The following MAST2 variants were observed in gnomAD, a reference collection of about 807,000 sequenced individuals.
The protein encoded by MAST2 is microtubule-associated serine/threonine-protein kinase 2.
A neutral mutation model predicts 147.4 loss-of-function variants in MAST2; 70 were observed. The observed-to-expected ratio is 0.47, with a 90% CI of 0.39 to 0.58. The LOEUF is 0.58. Among genes scored for constraint, MAST2 ranks in the 20% least tolerant of loss-of-function variants. The pLI is 0.00. For synonymous variants in MAST2, 869 were observed against 896.8 expected, an observed-to-expected ratio of 0.97 and a Z score of 0.55; for missense variants, 2,080 against 2,302.3, an observed-to-expected ratio of 0.90 and a Z score of 1.98.
chr1:45,941,810 A>G (rs993263836), intron 4 of MAST2, among the ~76,000 whole-genome samples: 1 of 152,188 alleles, frequency 6.6e-6, no homozygotes, highest in Non-Finnish European at 1.5e-5. Flanking sequence ...TCTTGTTGTC[A>G]AATATGTCTT....
At chr1:46,019,741 G>A in intron 11 of MAST2, 44 bp downstream of exon 11, 1 of 1,522,048 alleles carries the variant, frequency 6.6e-7, no homozygotes, top group Non-Finnish European at 9.1e-7. Context: ...TTTAGAGGAG[G>A]ACTATAGAGG....
Position 45,997,803 on chromosome 1 carries a change from A to G in MAST2, c.668+4A>G, listed in dbSNP as rs756921133. 6.2e-7 allele frequency: 1 copy of G among 1,613,754 alleles called. No individual in the cohort carries two copies. Among genetic ancestry groups the G allele is most frequent in the South Asian group, 1.1e-5 (1 of 91,064 alleles). ...TTTCTTTTGTTCCTGCCCGTAGGTA[A>G]GTTGATAGGAAACCTCCTCTGGGAC... On this transcript the variant is annotated splice_donor_region_variant and intron_variant, in intron 6 of 28. Transcript: ENST00000361297.
At chr1:45,848,913 C>T (rs1645530819) in intron 3 of MAST2, among the ~76,000 whole-genome samples, 1 of 152,206 alleles carries the variant, frequency 6.6e-6, no homozygotes, top group South Asian at 2.1e-4. Context: ...ATACAAAAAA[C>T]CACTAGCATT....
rs144015655 is a variant in MAST2, at chr1:45,860,553, C to T, written c.469-21811C>T. Among the ~76,000 whole-genome samples the T allele has an allele frequency of 9.5e-4, 144 of 152,142 alleles. 1 individual carries two copies. The highest frequency in any genetic ancestry group is 3.3e-3 in the African/African-American group (135 of 41,512). ...CAGTATACATCTTACTACTCTTGGCCGGGCGCAGTGGCTGATGCCTGTAAT... is the reference window on the plus strand; with the variant it reads ...CAGTATACATCTTACTACTCTTGGCTGGGCGCAGTGGCTGATGCCTGTAAT... On this transcript the variant is annotated intron_variant, in intron 3 of 28. Transcript: ENST00000361297.
chr1:45,816,015 GACAGCCTGGAACC>G (rs1374590444), intron 1 of MAST2, among the ~76,000 whole-genome samples: 1 of 152,172 alleles, frequency 6.6e-6, no homozygotes, highest in Non-Finnish European at 1.5e-5. Flanking sequence ...TTTGGTTATA[GACAGCCTGGAACC>G]ATAGCCTCCT....
rs748488281 is a variant in MAST2 at position 46,022,986 on chromosome 1, C to CT, written c.1485+16dup. On this transcript the variant is annotated intron_variant, in intron 13 of 28. Transcript: ENST00000361297. ...ATTCTATTGAGGTAAAAACCCTGAG[C>CT]TCCTACCCCATTCCTGGAGCCTGGG... 5.0e-6 allele frequency: 8 copies of CT among 1,611,920 alleles called. No homozygotes were observed. The highest frequency in any genetic ancestry group is 6.8e-6 in the Non-Finnish European group (8 of 1,178,184).
intron 4 of MAST2, among the ~76,000 whole-genome samples, chr1:45,946,380 A>G (rs1221222440): frequency 6.6e-6 from 1 of 152,182 alleles, no homozygotes; most frequent in East Asian, 1.9e-4. Flanking sequence ...ACTTGCTACT[A>G]CGTCACATAA....
At chr1:45,979,203 T>C (rs952454254) in intron 5 of MAST2, among the ~76,000 whole-genome samples, 2 of 152,178 alleles carry the variant, frequency 1.3e-5, no homozygotes, top group Non-Finnish European at 2.9e-5. Flanking sequence ...TAGATGGTGT[T>C]TACACAGGTG....
chr1:46,021,946 A>T lies in MAST2; in HGVS notation c.1291-4A>T. On this transcript the variant is annotated splice_region_variant and splice_polypyrimidine_tract_variant and intron_variant, in intron 11 of 28. Coordinates refer to ENST00000361297, the MANE Select transcript of MAST2 (RefSeq NM_015112.3). ...CCACTGACTATCTCTCTCCCTTGGT[A>T]CAGGAGTTTGACCCTGAAGAGTTCT... 6.2e-7 allele frequency: 1 copy of T among 1,614,142 alleles called. No individual in the cohort carries two copies. Among genetic ancestry groups the T allele is most frequent in the Non-Finnish European group, 8.5e-7 (1 of 1,179,990 alleles).
chr1:45,934,491 T>A (rs897496713), intron 4 of MAST2, among the ~76,000 whole-genome samples: 3 of 151,802 alleles, frequency 2.0e-5, no homozygotes, highest in African/African-American at 4.8e-5. Flanking sequence ...AGTGGCATGA[T>A]CTCAGCTCAC....
At chr1:45,815,330 C>G (rs1265686296) in intron 1 of MAST2, among the ~76,000 whole-genome samples, 4 of 151,858 alleles carry the variant, frequency 2.6e-5, no homozygotes, top group African/African-American at 4.8e-5. Context: ...CCATCACACC[C>G]AGCTAATTTT....
At chr1:46,021,436 G>A (rs1646174238) in intron 11 of MAST2, among the ~76,000 whole-genome samples, 1 of 152,232 alleles carries the variant, frequency 6.6e-6, no homozygotes, top group Non-Finnish European at 1.5e-5. Context: ...AACCCAGTGT[G>A]TGGCACTTAG....
At chr1:45,867,457 T>C (rs2148126661) in intron 3 of MAST2, among the ~76,000 whole-genome samples, 1 of 152,240 alleles carries the variant, frequency 6.6e-6, no homozygotes, top group Non-Finnish European at 1.5e-5. Flanking sequence ...CATTTAGAAG[T>C]TCCGTGACAG....
chr1:46,027,467 C>T (rs1159760451), intron 16 of MAST2, among the ~76,000 whole-genome samples: 3 of 152,160 alleles, frequency 2.0e-5, no homozygotes, highest in African/African-American at 7.2e-5. Context: ...CTGCCCCCAA[C>T]ATAGAATACA....
At chr1:46,029,343 C>A in intron 18 of MAST2, 123 bp from the exon 19 acceptor site, 2 of 713,442 alleles carry the variant, frequency 2.8e-6, no homozygotes, top group Non-Finnish European at 4.7e-6. Context: ...CCAGGCAAGG[C>A]TTTCAGGGGC....
Position 46,031,210 on chromosome 1 carries a change from G to A in MAST2, c.2912G>A (p.Gly971Glu), listed in dbSNP as rs1206760565. 6.4e-7 allele frequency: 1 copy of A among 1,558,128 alleles called. No homozygotes were observed. The highest frequency in any genetic ancestry group is 2.3e-5 in the East Asian group (1 of 44,172). The change falls in exon 23 of 29, where the codon GGG (glycine) becomes GAG (glutamate). Residue 971 changes from glycine (G) to glutamate (E), a missense_variant. Gly to Glu is a moderately conservative substitution (Grantham distance 98). This residue lies in a region of MAST2 where 1,278 missense variants were observed against 1,304.2 expected (regional missense o/e 0.98). Coordinates refer to ENST00000361297, the MANE Select transcript of MAST2 (RefSeq NM_015112.3). The surrounding 1 kb of genome is among the most constrained non-coding windows in gnomAD (Gnocchi z 4.1). ...CCCCCATCTGGAGAGGGGGTATCTG[G>A]GCCTGTCACTGAACACTCAGGGGAG... Reference protein sequence around the residue: ...LTPPSGEGVSGPVTEHSGEQR... With the variant: ...LTPPSGEGVSEPVTEHSGEQR...
chr1:45,883,273 G>A (rs796120166), intron 4 of MAST2, among the ~76,000 whole-genome samples: 2 of 152,272 alleles, frequency 1.3e-5, no homozygotes, highest in African/African-American at 4.8e-5. Context: ...CACATCATAT[G>A]CAATTTTTAA....
intron 4 of MAST2, among the ~76,000 whole-genome samples, chr1:45,934,159 G>A (rs1655824799): frequency 6.6e-6 from 1 of 152,074 alleles, no homozygotes; most frequent in Admixed American, 6.6e-5. Flanking sequence ...TTATAGGTGA[G>A]AACATGGAGT....
intron 4 of MAST2, among the ~76,000 whole-genome samples, chr1:45,905,591 A>C (rs1650567941): frequency 6.6e-6 from 1 of 152,162 alleles, no homozygotes; most frequent in South Asian, 2.1e-4. Flanking sequence ...CCTGGCTAAC[A>C]CAGTGAAACC....
Sources: gnomAD v4.1 joint callset for allele counts (sites outside exome capture counted in the v4.1 genomes callset) on GRCh38, gnomAD v4.1.1 for gene constraint, gnomAD v4.1.1 regional missense constraint, Gnocchi (gnomAD v3.1) non-coding constraint, MANE v1.5 for transcripts, NCBI Gene and HGNC (gene_info 2026-07-23, HGNC 2026-07-21) for gene names.